DLG2: variants seen among roughly 807,000 people sequenced by gnomAD.
DLG2 encodes discs large MAGUK scaffold protein 2, also known as disks large homolog 2.
A neutral mutation model predicts 132.5 loss-of-function variants in DLG2; 45 were observed. That is an observed-to-expected ratio of 0.34 (90% CI 0.27 to 0.44). The LOEUF (loss-of-function observed/expected upper bound fraction) is 0.44. Among genes scored for constraint, DLG2 ranks in the 20% least tolerant of loss-of-function variants. DLG2 has a pLI of 1.00. For missense variants in DLG2, 1,045 were observed against 1,196.9 expected (o/e 0.87, Z 1.87); for synonymous variants, 424 against 419.6 (o/e 1.01, Z -0.13).
At chr11:83,870,806 GT>G (rs1210066427) in intron 16 of DLG2, among the ~76,000 whole-genome samples, 2 of 152,098 alleles carry the variant, frequency 1.3e-5, no homozygotes, top group African/African-American at 2.4e-5. Flanking sequence ...AGTTTTCCGG[GT>G]TTGGCTAGGC....
chr11:85,065,479 C>A (rs2154162393), intron 6 of DLG2, among the ~76,000 whole-genome samples: 1 of 151,566 alleles, frequency 6.6e-6, no homozygotes. Flanking sequence ...CCAAGTTGCA[C>A]AATTAAATAA....
intron 8 of DLG2, among the ~76,000 whole-genome samples, chr11:84,217,473 C>T (rs2096852070): frequency 6.6e-6 from 1 of 152,198 alleles, no homozygotes; most frequent in Admixed American, 6.5e-5. Flanking sequence ...TGTGAGGCCT[C>T]CCCAGCCACA....
intron 3 of DLG2, among the ~76,000 whole-genome samples, chr11:85,441,349 C>A (rs1294524472): frequency 6.6e-6 from 1 of 152,066 alleles, no homozygotes; most frequent in Non-Finnish European, 1.5e-5. Flanking sequence ...GAAGTTAACT[C>A]CTCCCTCTTC....
chr11:83,628,892 A>C (rs2153451573), intron 19 of DLG2, among the ~76,000 whole-genome samples: 1 of 152,292 alleles, frequency 6.6e-6, no homozygotes, highest in Non-Finnish European at 1.5e-5. Flanking sequence ...ATTTTTTAAA[A>C]AGGAGAGAAA....
intron 6 of DLG2, among the ~76,000 whole-genome samples, chr11:84,846,303 C>T (rs148026659): frequency 5.9e-5 from 9 of 152,080 alleles, no homozygotes; most frequent in Admixed American, 3.9e-4. Context: ...CTATAGGTTA[C>T]CAATGCCTCA....
intron 6 of DLG2, among the ~76,000 whole-genome samples, chr11:84,710,146 A>C (rs757331779): frequency 4.6e-5 from 7 of 151,962 alleles, no homozygotes; most frequent in Non-Finnish European, 7.4e-5. Flanking sequence ...ATTCATGTCA[A>C]GTCCTTAGAA....
At chr11:84,913,080 A>G (rs2092219542) in intron 6 of DLG2, among the ~76,000 whole-genome samples, 1 of 152,220 alleles carries the variant, frequency 6.6e-6, no homozygotes, top group South Asian at 2.1e-4. Context: ...TAGATTCTAC[A>G]GGATTTGTGG....
intron 3 of DLG2, among the ~76,000 whole-genome samples, chr11:85,553,223 C>T (rs996486291): frequency 6.6e-6 from 1 of 151,490 alleles, no homozygotes; most frequent in African/African-American, 2.4e-5. Context: ...AAAAAACAAA[C>T]ATAAAACAAA....
At chr11:84,970,116 T>C (rs539436755) in intron 6 of DLG2, among the ~76,000 whole-genome samples, 7 of 152,178 alleles carry the variant, frequency 4.6e-5, no homozygotes, top group African/African-American at 1.7e-4. Flanking sequence ...TGTATACCCA[T>C]GTAACAAACC....
Position 83,497,534 on chromosome 11 carries a change from C to CAAAAACA in DLG2, c.2194-13313_2194-13307dup, listed in dbSNP as rs762133392. Among the ~76,000 whole-genome samples the CAAAAACA allele has an allele frequency of 8.3e-5, 7 of 84,158 alleles. No homozygotes were observed. The East Asian group carries it at 1.7e-3, about 20-fold the overall frequency. The allele number at this position is 84,158 out of a possible 152,430, so 55.2% of individuals were successfully genotyped here. On this transcript the variant is annotated intron_variant, in intron 21 of 27. Transcript: ENST00000376104. ...TGGGCAACACAGAGAGACTTCGTCT[C>CAAAAACA]AAAAACAAAAAACAAAAAACAAAAA...
At chr11:85,552,834 G>A (rs1462220403) in intron 3 of DLG2, among the ~76,000 whole-genome samples, 1 of 151,360 alleles carries the variant, frequency 6.6e-6, no homozygotes, top group East Asian at 1.9e-4. Flanking sequence ...AGTTCCAAGA[G>A]AGAATAGGAA....
At chr11:84,211,436 G>C (rs71469640) in intron 8 of DLG2, among the ~76,000 whole-genome samples, 5,917 of 152,130 alleles carry the variant, frequency 0.039, 175 homozygotes, top group Middle Eastern at 0.061. Context: ...AGAGAGATTG[G>C]GTCTTACTAT....
chr11:83,517,496 C>G (rs1205522447), intron 21 of DLG2, among the ~76,000 whole-genome samples: 4 of 152,142 alleles, frequency 2.6e-5, no homozygotes, highest in African/African-American at 9.7e-5. Context: ...GTAGTTTGAT[C>G]TTCTGAAGCC....
At chr11:83,808,469 T>C (rs1319044967) in intron 17 of DLG2, among the ~76,000 whole-genome samples, 2 of 152,038 alleles carry the variant, frequency 1.3e-5, no homozygotes, top group Admixed American at 6.6e-5. Context: ...GCAGCAGTCA[T>C]CCAGAAGGGG....
chr11:84,923,685 A>G (rs750176043), intron 6 of DLG2: 166 of 602,462 alleles, frequency 2.8e-4, no homozygotes, highest in Non-Finnish European at 3.4e-4. Flanking sequence ...AAATACTACA[A>G]ATCACCGCAA....
At chr11:85,041,099 T>C (rs1371775277) in intron 6 of DLG2, among the ~76,000 whole-genome samples, 2 of 151,854 alleles carry the variant, frequency 1.3e-5, no homozygotes, top group Non-Finnish European at 1.5e-5. Flanking sequence ...CTAATTTCAT[T>C]TTTCTTTCAC....
intron 15 of DLG2, among the ~76,000 whole-genome samples, chr11:83,891,993 G>A (rs1231444644): frequency 1.3e-5 from 2 of 152,072 alleles, no homozygotes; most frequent in Non-Finnish European, 2.9e-5. Context: ...TCCTTACAGT[G>A]GTCACTGTAG....
At chr11:85,169,195 C>T (rs563221261) in intron 4 of DLG2, among the ~76,000 whole-genome samples, 14 of 151,974 alleles carry the variant, frequency 9.2e-5, no homozygotes, top group Non-Finnish European at 1.5e-4. Context: ...ATTTTCATTG[C>T]CATACTGTTA....
chr11:83,668,007 G>C (rs1278087031), intron 18 of DLG2, among the ~76,000 whole-genome samples: 1 of 121,042 alleles, frequency 8.3e-6, no homozygotes, highest in African/African-American at 3.1e-5. Context: ...AGAAATTAAA[G>C]GAAGAGGGAA....
Sources: gnomAD v4.1 joint callset for allele counts (sites outside exome capture counted in the v4.1 genomes callset) on GRCh38, gnomAD v4.1.1 for gene constraint, MANE v1.5 for transcripts, NCBI Gene and HGNC (gene_info 2026-07-23, HGNC 2026-07-21) for gene names.